PIP5K1C: variants seen among roughly 807,000 people sequenced by gnomAD.
The protein encoded by PIP5K1C is phosphatidylinositol 4-phosphate 5-kinase type-1 gamma.
Under a neutral mutation model 80.1 loss-of-function variants are expected in PIP5K1C, and 45 were observed. The ratio of observed to expected loss-of-function variants is 0.56; its 90% CI spans 0.44 to 0.72. The LOEUF is 0.72. PIP5K1C is among the 30% of genes least tolerant of loss of function. The pLI, the probability that PIP5K1C is intolerant of heterozygous loss-of-function variation, is 0.00. For synonymous variants in PIP5K1C, 498 were observed against 420.1 expected (o/e 1.19, Z -2.27); for missense variants, 753 against 954.6 (o/e 0.79, Z 2.78).
In PIP5K1C at chr19:3,688,809, C is replaced by A. The variant is rs1436475244; in HGVS notation, c.94+11488G>T. On this transcript the variant is annotated intron_variant, in intron 1 of 17. Transcript: ENST00000335312. This position sits in a 1 kb window ranked among gnomAD's most constrained non-coding sequence, Gnocchi z 5.3. ...GAGCTGGTGGGCCGGGGGAGGGGGA[C>A]CCACACCCACGTCGCCATGGCCCCC... 2.6e-5 allele frequency among the ~76,000 whole-genome samples: 4 copies of A among 152,032 alleles called. No individual in the cohort carries two copies. The highest frequency in any genetic ancestry group is 9.7e-5 in the African/African-American group (4 of 41,382).
chr19:3,666,908 C>T (rs151289735), intron 2 of PIP5K1C, among the ~76,000 whole-genome samples: 1,549 of 152,360 alleles, frequency 0.01, 34 homozygotes, highest in African/African-American at 0.035. Flanking sequence ...CTGGTAGCCT[C>T]GGGCATCGCC....
At chr19:3,699,687 A>G (rs994001369) in intron 1 of PIP5K1C, among the ~76,000 whole-genome samples, 5 of 152,110 alleles carry the variant, frequency 3.3e-5, no homozygotes, top group African/African-American at 1.2e-4. Flanking sequence ...GGAAGCAGCT[A>G]AAGGGGGCAT....
intron 1 of PIP5K1C, among the ~76,000 whole-genome samples, chr19:3,694,211 C>CAAAAAAAAAAAAAAAAAAAAAAAA (rs1175485721): frequency 3.5e-5 from 2 of 57,498 alleles, no homozygotes; most frequent in African/African-American, 1.3e-4. Flanking sequence ...GACTCCATCT[C>CAAAAAAAAAAAAAAAAAAAAAAAA]AAAAAAAAAA....
chr19:3,679,872 G>C (rs559155007), intron 1 of PIP5K1C, among the ~76,000 whole-genome samples: 1 of 152,242 alleles, frequency 6.6e-6, no homozygotes, highest in Non-Finnish European at 1.5e-5. Flanking sequence ...CAGGCAACTG[G>C]AGCCTAGAAC....
At chr19:3,689,494 C>G (rs1478159837) in intron 1 of PIP5K1C, among the ~76,000 whole-genome samples, 1 of 151,890 alleles carries the variant, frequency 6.6e-6, no homozygotes, top group Non-Finnish European at 1.5e-5. Context: ...ACTAAAAATA[C>G]AAAAATTAGC....
chr19:3,642,343 G>T (rs1166464829), intron 14 of PIP5K1C, among the ~76,000 whole-genome samples: 1 of 152,232 alleles, frequency 6.6e-6, no homozygotes, highest in Non-Finnish European at 1.5e-5. Flanking sequence ...GTCCCCGAGG[G>T]CTGGGCACTT....
chr19:3,635,681 T>C (rs1197859462), intron 16 of PIP5K1C, among the ~76,000 whole-genome samples: 1 of 145,304 alleles, frequency 6.9e-6, no homozygotes, highest in African/African-American at 2.6e-5. Flanking sequence ...AGACTCCATC[T>C]CAAAAAAAAC....
At chr19:3,659,556 C>T (rs1599997429) in intron 5 of PIP5K1C, among the ~76,000 whole-genome samples, 1 of 152,206 alleles carries the variant, frequency 6.6e-6, no homozygotes, top group Non-Finnish European at 1.5e-5. Flanking sequence ...CCAGGTCACC[C>T]GAGGGCCATT....
intron 1 of PIP5K1C, among the ~76,000 whole-genome samples, chr19:3,699,267 C>T (rs1221673148): frequency 6.8e-6 from 1 of 148,082 alleles, no homozygotes; most frequent in Non-Finnish European, 1.5e-5. Flanking sequence ...GGGAAGGAAC[C>T]GGGTCACCTA....
In PIP5K1C at chr19:3,700,425, G is replaced by A. The variant is rs986273044; in HGVS notation, c.-35C>T. ...CGGACGGCGGCGGGGGCGCCCGAGG[G>A]GGACCCGAGCTGCGACCGCCGCCGC... is the stretch of plus-strand genomic sequence containing the variant. On this transcript the variant is annotated 5_prime_UTR_variant, in exon 1 of 18. Transcript: ENST00000335312. The A allele has an allele frequency of 3.4e-5, 36 of 1,050,964 alleles. No individual in the cohort carries two copies. In the African/African-American group the frequency reaches 4.3e-4, roughly 13 times the overall value. 65.1% of individuals were successfully genotyped at this position (1,050,964 alleles called of 1,614,324 possible).
At chr19:3,680,152 C>A (rs568852507) in intron 1 of PIP5K1C, among the ~76,000 whole-genome samples, 3 of 152,210 alleles carry the variant, frequency 2.0e-5, no homozygotes, top group African/African-American at 7.2e-5. Context: ...AGACTCCCAG[C>A]GTGGTGAATG....
At chr19:3,693,566 CCAGGCGG>C (rs544513479) in intron 1 of PIP5K1C, among the ~76,000 whole-genome samples, 30 of 152,332 alleles carry the variant, frequency 2.0e-4, no homozygotes, top group East Asian at 5.8e-4. Flanking sequence ...GCTGCCGGGG[CCAGGCGG>C]CAGGCGGCAG....
At chr19:3,633,377 C>T in intron 17 of PIP5K1C, 60 bp downstream of exon 17, 1 of 1,321,108 alleles carries the variant, frequency 7.6e-7, no homozygotes, top group Non-Finnish European at 1.0e-6. Context: ...TAGCTGGGGA[C>T]CACGCTCAGT....
Position 3,663,464 on chromosome 19 carries a change from T to C in PIP5K1C, c.219+1358A>G, listed in dbSNP as rs565810245. On this transcript the variant is annotated intron_variant, in intron 3 of 17. Coordinates refer to ENST00000335312, the MANE Select transcript of PIP5K1C (RefSeq NM_012398.3). ...GACAGAACAGACATGTGCCCAAAGA[T>C]AACATACAAACGGCCCTGAAGCCCG... 3.9e-5 allele frequency among the ~76,000 whole-genome samples: 6 copies of C among 152,066 alleles called. No homozygotes were observed. In the South Asian group the frequency reaches 1.2e-3, roughly 32 times the overall value.
intron 6 of PIP5K1C, 131 bp downstream of exon 6, chr19:3,656,274 C>T (rs974593175): frequency 2.0e-6 from 2 of 989,610 alleles, no homozygotes; most frequent in Non-Finnish European, 3.1e-6. Flanking sequence ...GGTGAGTCCC[C>T]GGGACCCAAG....
chr19:3,690,171 A>C (rs574452391), intron 1 of PIP5K1C, among the ~76,000 whole-genome samples: 1 of 151,936 alleles, frequency 6.6e-6, no homozygotes, highest in African/African-American at 2.4e-5. Context: ...TGTAGCATGA[A>C]GGTAAAGGCA....
chr19:3,662,931 G>A (rs925218766), intron 3 of PIP5K1C, among the ~76,000 whole-genome samples: 2 of 152,212 alleles, frequency 1.3e-5, no homozygotes, highest in African/African-American at 4.8e-5. Flanking sequence ...GTGCGATCTT[G>A]GATCACTGCA....
At chr19:3,690,842 T>G (rs1288882074) in intron 1 of PIP5K1C, among the ~76,000 whole-genome samples, 2 of 152,148 alleles carry the variant, frequency 1.3e-5, no homozygotes, top group Non-Finnish European at 2.9e-5. Flanking sequence ...GAGTTCAACC[T>G]GACGTGTGTG....
At chr19:3,687,802 C>CA (rs1045673154) in intron 1 of PIP5K1C, among the ~76,000 whole-genome samples, 3 of 152,200 alleles carry the variant, frequency 2.0e-5, no homozygotes, top group African/African-American at 7.2e-5. Flanking sequence ...GTGCTCCCCG[C>CA]AGGGCATAGA....
Sources: allele counts gnomAD v4.1 joint callset (sites outside exome capture counted in the v4.1 genomes callset), GRCh38; gene constraint gnomAD v4.1.1; non-coding constraint Gnocchi (gnomAD v3.1); transcripts MANE v1.5; gene names NCBI Gene and HGNC (gene_info 2026-07-23, HGNC 2026-07-21).